Variants in PLCL1 observed in about 807,000 individuals in gnomAD.
The protein encoded by PLCL1 is phospholipase C like 1 (inactive), also known as inactive phospholipase C-like protein 1.
A neutral mutation model predicts 84.4 loss-of-function variants in PLCL1; 41 were observed. The observed-to-expected ratio is 0.49, with a 90% CI of 0.38 to 0.63. The LOEUF is 0.63. Ranked by LOEUF, PLCL1 falls within the 30% of genes least tolerant of loss-of-function variation. The probability of loss-of-function intolerance (pLI) is 0.00; values close to 1 mark genes in which losing one functional copy is unlikely to be tolerated. For synonymous variants in PLCL1, 490 were observed against 488.3 expected (o/e 1.00, Z -0.05); for missense variants, 1,206 against 1,367.8 (o/e 0.88, Z 1.87).
chr2:198,136,752 A>G (rs746092315), intron 5 of PLCL1, among the ~76,000 whole-genome samples: 4 of 152,144 alleles, frequency 2.6e-5, no homozygotes, highest in South Asian at 4.1e-4. Flanking sequence ...GATGCCTGTC[A>G]TGAATATGAT....
intron 3 of PLCL1, among the ~76,000 whole-genome samples, chr2:198,089,787 T>C (rs1204742976): frequency 2.0e-5 from 3 of 152,128 alleles, no homozygotes; most frequent in African/African-American, 7.2e-5. Context: ...CAGAGGTGAA[T>C]AGGCAATTCA....
chr2:198,115,828 T>C (rs1044011258), intron 5 of PLCL1, among the ~76,000 whole-genome samples: 2 of 151,486 alleles, frequency 1.3e-5, no homozygotes, highest in African/African-American at 2.4e-5. Context: ...TATTTCTGTT[T>C]GGCCCCGCCC....
At chr2:197,927,341 G>A (rs1008281184) in intron 1 of PLCL1, among the ~76,000 whole-genome samples, 3 of 152,134 alleles carry the variant, frequency 2.0e-5, no homozygotes, top group African/African-American at 7.2e-5. Flanking sequence ...TCCATTCATT[G>A]CTTTAACTCA....
At chr2:198,013,954 C>A (rs1005960850) in intron 1 of PLCL1, among the ~76,000 whole-genome samples, 4 of 152,026 alleles carry the variant, frequency 2.6e-5, no homozygotes, top group Non-Finnish European at 4.4e-5. Context: ...AAGTAGTGAA[C>A]TCTGCGCTCT....
intron 1 of PLCL1, among the ~76,000 whole-genome samples, chr2:198,071,888 A>AT (rs551521160): frequency 2.2e-4 from 34 of 151,920 alleles, no homozygotes; most frequent in Middle Eastern, 3.4e-3. Context: ...ATTTAAAATT[A>AT]TTTTTTGTCT....
At chr2:197,994,391 A>G (rs913140236) in intron 1 of PLCL1, among the ~76,000 whole-genome samples, 1 of 152,208 alleles carries the variant, frequency 6.6e-6, no homozygotes, top group African/African-American at 2.4e-5. Flanking sequence ...CAAACATCAT[A>G]TGCAGTCCAT....
intron 1 of PLCL1, among the ~76,000 whole-genome samples, chr2:197,874,798 A>G (rs1379494900): frequency 6.6e-6 from 1 of 152,174 alleles, no homozygotes; most frequent in South Asian, 2.1e-4. Flanking sequence ...TAGGGTTTGC[A>G]GTGTAATTTT....
At chr2:197,940,165 G>A (rs917403744) in intron 1 of PLCL1, among the ~76,000 whole-genome samples, 1 of 152,118 alleles carries the variant, frequency 6.6e-6, no homozygotes, top group African/African-American at 2.4e-5. Flanking sequence ...TATATTTAAT[G>A]ATGTAGTATT....
At chr2:198,124,153 A>G (rs1275372157) in intron 5 of PLCL1, among the ~76,000 whole-genome samples, 1 of 152,102 alleles carries the variant, frequency 6.6e-6, no homozygotes, top group Non-Finnish European at 1.5e-5. Context: ...ATGCATTTTT[A>G]TGTAAAGTGG....
intron 1 of PLCL1, among the ~76,000 whole-genome samples, chr2:197,996,659 C>G (rs1690473433): frequency 6.6e-6 from 1 of 151,910 alleles, no homozygotes. Context: ...AGCAGCTATA[C>G]TTCTGCAGAA....
At chr2:197,922,565 C>T (rs1467121012) in intron 1 of PLCL1, among the ~76,000 whole-genome samples, 1 of 133,092 alleles carries the variant, frequency 7.5e-6, no homozygotes, top group African/African-American at 2.7e-5. Context: ...GGCAGAGGGG[C>T]TCCTTACTTC....
Position 198,088,928 on chromosome 2 carries a change from C to T in PLCL1, c.2786C>T (p.Thr929Ile). 6.2e-7 allele frequency: 1 copy of T among 1,612,602 alleles called. No individual in the cohort carries two copies. Among genetic ancestry groups the T allele is most frequent in the Non-Finnish European group, 8.5e-7 (1 of 1,178,618 alleles). ...PIASLKQCLL[T>I]LSSRLITSDN... ...GCCAGTCTGAAGCAGTGCCTGTTAACTCTGTCATCTCGGCTCATCACCAGT... is the reference window on the plus strand; with the variant it reads ...GCCAGTCTGAAGCAGTGCCTGTTAATTCTGTCATCTCGGCTCATCACCAGT... The change falls in exon 3 of 6, where the codon ACT (threonine) becomes ATT (isoleucine). Residue 929 changes from threonine (T) to isoleucine (I), a missense_variant. Transcript: ENST00000428675.
intron 1 of PLCL1, among the ~76,000 whole-genome samples, chr2:197,824,960 AT>A (rs1423265724): frequency 3.3e-5 from 5 of 152,124 alleles, no homozygotes; most frequent in Non-Finnish European, 7.4e-5. Flanking sequence ...GCTATTACTC[AT>A]TTTATTATAA....
At chr2:197,820,885 G>A (rs996427) in intron 1 of PLCL1, among the ~76,000 whole-genome samples, 30,475 of 151,948 alleles carry the variant, frequency 0.2, 3,117 homozygotes, top group East Asian at 0.27. Flanking sequence ...CTGAAGCTTC[G>A]TATGGACATT....
intron 1 of PLCL1, among the ~76,000 whole-genome samples, chr2:197,813,789 A>C (rs972581010): frequency 6.6e-6 from 1 of 152,180 alleles, no homozygotes; most frequent in African/African-American, 2.4e-5. Flanking sequence ...ATAGCTAATA[A>C]ACGCAGAGCC....
intron 1 of PLCL1, among the ~76,000 whole-genome samples, chr2:197,984,043 C>T (rs1444605768): frequency 1.1e-4 from 16 of 152,080 alleles, no homozygotes; most frequent in Admixed American, 9.2e-4. Context: ...TTATATTAAG[C>T]TTCATCTAGT....
At chr2:198,042,785 G>T (rs1196135746) in intron 1 of PLCL1, among the ~76,000 whole-genome samples, 1 of 152,132 alleles carries the variant, frequency 6.6e-6, no homozygotes. Flanking sequence ...CTATGACCTT[G>T]GGCATGGAGA....
intron 1 of PLCL1, among the ~76,000 whole-genome samples, chr2:197,828,869 G>A (rs1451207345): frequency 6.6e-6 from 1 of 152,168 alleles, no homozygotes; most frequent in Non-Finnish European, 1.5e-5. Context: ...TCAAAAGTTA[G>A]GAATCCTCTT....
Position 198,085,119 on chromosome 2 carries a change from A to C in PLCL1, c.1602A>C (p.Lys534Asn). 1 of 1,614,152 alleles carries C rather than the reference A, an allele frequency of 6.2e-7. No individual in the cohort carries two copies. Among genetic ancestry groups the C allele is most frequent in the Non-Finnish European group, 8.5e-7 (1 of 1,180,006 alleles). ...ESYLPSPEKLKRMIIVKGKKL... is the reference protein window; with the variant it reads ...ESYLPSPEKLNRMIIVKGKKL... The stretch of plus-strand genomic sequence containing the variant: ...ACCTCCCATCACCAGAAAAATTAAA[A>C]AGAATGATCATTGTGAAAGGAAAGA... Residue 534 changes from lysine to asparagine, a missense_variant, in exon 2 of 6, where the codon AAA becomes AAC. By Grantham distance (94) the Lys-to-Asn change is moderately conservative. Transcript: ENST00000428675. The surrounding 1 kb of genome is among the most constrained non-coding windows in gnomAD (Gnocchi z 5.3).
Sources: allele counts gnomAD v4.1 joint callset (sites outside exome capture counted in the v4.1 genomes callset), GRCh38; gene constraint gnomAD v4.1.1; non-coding constraint Gnocchi (gnomAD v3.1); transcripts MANE v1.5; gene names NCBI Gene and HGNC (gene_info 2026-07-23, HGNC 2026-07-21).